The following OTULIN variants were observed in gnomAD, a reference collection of about 807,000 sequenced individuals.
OTULIN encodes the protein ubiquitin thioesterase otulin.
A neutral mutation model predicts 39.6 loss-of-function variants in OTULIN; 15 were observed. That is an observed-to-expected ratio of 0.38 (90% CI 0.25 to 0.58). The LOEUF (loss-of-function observed/expected upper bound fraction) is 0.58. OTULIN is among the 20% of genes least tolerant of loss of function. OTULIN has a pLI of 0.66. For missense variants in OTULIN, 319 were observed against 445.9 expected (o/e 0.72, Z 2.56); for synonymous variants, 156 against 170.3 (o/e 0.92, Z 0.65).
chr5:14,681,072 C>G (rs562466278), intron 3 of OTULIN, among the ~76,000 whole-genome samples: 3 of 152,032 alleles, frequency 2.0e-5, no homozygotes, highest in Non-Finnish European at 4.4e-5. Flanking sequence ...AAAAAAGAAG[C>G]CTAACAGAAT....
In OTULIN at chr5:14,697,628, T is replaced by C. The variant is rs974180261; in HGVS notation, c.*4580T>C. ...AAATGTTATATCAATACATCATTTA[T>C]GATGTGTGTGTGGTCCCAGACCTCA... On this transcript the variant is annotated 3_prime_UTR_variant, in exon 7 of 7. Transcript: ENST00000284274. The C allele has an allele frequency of 6.6e-6, 1 of 152,216 alleles. No homozygotes were observed. The highest frequency in any genetic ancestry group is 1.9e-4 in the East Asian group (1 of 5,198). 9.4% of individuals were successfully genotyped at this position (152,216 alleles called of 1,614,324 possible). A position where few individuals can be genotyped will look rare whatever the true frequency, so the allele number is the denominator to read the frequency against.
intron 1 of OTULIN, among the ~76,000 whole-genome samples, chr5:14,670,236 A>C (rs1397199439): frequency 2.0e-5 from 3 of 152,182 alleles, no homozygotes; most frequent in Non-Finnish European, 4.4e-5. Flanking sequence ...CCAACTTGAC[A>C]CACAAAAGGT....
downstream of OTULIN, among the ~76,000 whole-genome samples, chr5:14,702,151 G>A (rs963295385): frequency 2.0e-5 from 3 of 152,304 alleles, no homozygotes; most frequent in South Asian, 4.1e-4. Flanking sequence ...CGCTGATGGC[G>A]CTTGGGGACT....
At chr5:14,702,195 C>A (rs895938632), downstream of OTULIN, among the ~76,000 whole-genome samples, 1 of 152,030 alleles carries the variant, frequency 6.6e-6, no homozygotes, top group Non-Finnish European at 1.5e-5. Context: ...AGTGGGTTTC[C>A]GGGTGGGTGC....
In OTULIN at chr5:14,687,508, C is replaced by G. The variant is rs1272739700; in HGVS notation, c.469-13C>G. 9 of 1,608,068 alleles carry G rather than the reference C, an allele frequency of 5.6e-6. No individual in the cohort carries two copies. Among genetic ancestry groups the G allele is most frequent in the South Asian group, 2.2e-5 (2 of 89,898 alleles). ...TTAACACTTCTTTATCTCTTTGTTT[C>G]TCGATGTTGTAGTTACCAGAAAAAC... On this transcript the variant is annotated splice_polypyrimidine_tract_variant and intron_variant, in intron 4 of 6. Coordinates refer to ENST00000284274, the MANE Select transcript of OTULIN (RefSeq NM_138348.6).
chr5:14,716,321 C>T, the OTULIN span, among the ~76,000 whole-genome samples: 2 of 152,098 alleles, frequency 1.3e-5, no homozygotes, highest in African/African-American at 4.8e-5. Flanking sequence ...GGTGAAACCC[C>T]GTCTCTACTA....
Position 14,693,016 on chromosome 5 carries a change from C to G in OTULIN, c.1027C>G (p.Pro343Ala), listed in dbSNP as rs1736571612. The change falls in exon 7 of 7, where the codon CCC becomes GCC. Residue 343 changes from proline (P) to alanine (A), a missense_variant. Coordinates refer to ENST00000284274, the MANE Select transcript of OTULIN (RefSeq NM_138348.6). ...IAEDDRHYNI[P>A]VRVCEETSL Reference sequence around the variant, plus strand: ...TGAGGACGATCGGCACTATAACATCCCCGTCAGAGTGTGTGAGGAGACCAG... The same window carrying G: ...TGAGGACGATCGGCACTATAACATCGCCGTCAGAGTGTGTGAGGAGACCAG... The G allele has an allele frequency of 3.1e-6, 5 of 1,613,920 alleles. No individual in the cohort carries two copies. Among genetic ancestry groups the G allele is most frequent in the South Asian group, 1.1e-5 (1 of 91,034 alleles).
chr5:14,690,834 C>A lies in OTULIN; in HGVS notation c.864+526C>A, dbSNP rs1736507378. 6.6e-6 allele frequency among the ~76,000 whole-genome samples: 1 copy of A among 152,234 alleles called. No individual in the cohort carries two copies. The highest frequency in any genetic ancestry group is 1.5e-5 in the Non-Finnish European group (1 of 68,038). ...ACCAAAGAATTGTGGACATACTTTACAGTCACCACCGTTATCTCAGCCTGG... is the reference window on the plus strand; with the variant it reads ...ACCAAAGAATTGTGGACATACTTTAAAGTCACCACCGTTATCTCAGCCTGG... On this transcript the variant is annotated intron_variant, in intron 6 of 6. Coordinates refer to ENST00000284274, the MANE Select transcript of OTULIN (RefSeq NM_138348.6). The surrounding 1 kb of genome is among the most constrained non-coding windows in gnomAD (Gnocchi z 4.5).
rs753124160 is a variant in OTULIN at position 14,673,629 on chromosome 5, G to A, written c.153-13G>A. The A allele has an allele frequency of 6.2e-7, 1 of 1,610,572 alleles. No individual in the cohort carries two copies. The highest frequency in any genetic ancestry group is 8.5e-7 in the Non-Finnish European group (1 of 1,178,466). On this transcript the variant is annotated splice_polypyrimidine_tract_variant and intron_variant, in intron 1 of 6. Transcript: ENST00000284274. Reference sequence around the variant, plus strand: ...ACAAGTGTTTGAAAATGTCTGCTTTGGTGTAATTTCAGTGAGGAGGACATG... The same window carrying A: ...ACAAGTGTTTGAAAATGTCTGCTTTAGTGTAATTTCAGTGAGGAGGACATG...
At chr5:14,712,998 T>A in the OTULIN span, 1 of 1,603,448 alleles carries the variant, frequency 6.2e-7, no homozygotes, top group East Asian at 2.2e-5. Context: ...ACAAAGGCAA[T>A]TTGTCTGTTA....
At chr5:14,711,320 A>T in the OTULIN span, 1 of 1,611,984 alleles carries the variant, frequency 6.2e-7, no homozygotes, top group South Asian at 1.1e-5. Flanking sequence ...TCTAGACCAA[A>T]GAAGACTCAT....
the OTULIN span, among the ~76,000 whole-genome samples, chr5:14,716,262 C>T: frequency 2.0e-5 from 3 of 152,040 alleles, no homozygotes; most frequent in Non-Finnish European, 2.9e-5. Flanking sequence ...AGCACTTTGC[C>T]GAGGAGGAGC....
rs116033240 is a variant in OTULIN, at chr5:14,673,760, A to G, written c.229+42A>G. 2,953 of 1,533,178 alleles carry G rather than the reference A, an allele frequency of 1.9e-3. 46 individuals are homozygous for G. In the African/African-American group the frequency reaches 0.035, roughly 18 times the overall value. 95.0% of individuals were successfully genotyped at this position (1,533,178 alleles called of 1,614,324 possible). A position where few individuals can be genotyped will look rare whatever the true frequency, so the allele number is the denominator to read the frequency against. ...TTTATTTATAGAGTTCTTATTGTTT[A>G]TAGCAGAAAATGCAGTTAAATCCGT... On this transcript the variant is annotated intron_variant, in intron 2 of 6. Coordinates refer to ENST00000284274, the MANE Select transcript of OTULIN (RefSeq NM_138348.6).
chr5:14,685,535 C>A (rs1202642189), intron 4 of OTULIN, among the ~76,000 whole-genome samples: 1 of 152,152 alleles, frequency 6.6e-6, no homozygotes, highest in African/African-American at 2.4e-5. Context: ...TGACTTCATT[C>A]TTTTCTGATG....
chr5:14,700,414 G>T (rs1325856324), downstream of OTULIN, among the ~76,000 whole-genome samples: 2 of 152,186 alleles, frequency 1.3e-5, no homozygotes, highest in Non-Finnish European at 2.9e-5. Flanking sequence ...CATGTTCAGG[G>T]TAGGAATATG....
At chr5:14,713,856 G>A in the OTULIN span, among the ~76,000 whole-genome samples, 4 of 152,152 alleles carry the variant, frequency 2.6e-5, no homozygotes, top group East Asian at 3.9e-4. This position sits in a 1 kb window ranked among gnomAD's most constrained non-coding sequence, Gnocchi z 4.4. Context: ...GGCCCGCCTC[G>A]GCTCCCCGCC....
intron 2 of OTULIN, among the ~76,000 whole-genome samples, chr5:14,674,554 G>A (rs1465351220): frequency 6.6e-6 from 1 of 152,184 alleles, no homozygotes. Flanking sequence ...CCAGGAGTTC[G>A]AGACCGGCCT....
intron 2 of OTULIN, 200 bp downstream of exon 2, chr5:14,673,918 T>C: frequency 2.5e-6 from 1 of 393,970 alleles, no homozygotes; most frequent in Non-Finnish European, 4.6e-6. Context: ...TCTCTCTGCA[T>C]TCTTTACATT....
chr5:14,670,230 C>T (rs1334263226), intron 1 of OTULIN, among the ~76,000 whole-genome samples: 1 of 152,224 alleles, frequency 6.6e-6, no homozygotes, highest in Non-Finnish European at 1.5e-5. Context: ...ACCACCCCAA[C>T]TTGACACACA....
Sources: allele counts gnomAD v4.1 joint callset (sites outside exome capture counted in the v4.1 genomes callset), GRCh38; gene constraint gnomAD v4.1.1; non-coding constraint Gnocchi (gnomAD v3.1); transcripts MANE v1.5; gene names NCBI Gene and HGNC (gene_info 2026-07-23, HGNC 2026-07-21).